EPB42: variants seen among roughly 807,000 people sequenced by gnomAD.
The protein encoded by EPB42 is erythrocyte membrane protein band 4.2, also known as protein 4.2.
EPB42 carries 49 observed loss-of-function variants against 76.9 expected under a neutral mutation model. The ratio of observed to expected loss-of-function variants is 0.64; its 90% CI spans 0.51 to 0.81. The LOEUF is 0.81. EPB42 is among the 30% of genes least tolerant of loss of function. The pLI is 0.00. For missense variants in EPB42, 731 were observed against 867.6 expected, an observed-to-expected ratio of 0.84 and a Z score of 1.98; for synonymous variants, 310 against 338.4, an observed-to-expected ratio of 0.92 and a Z score of 0.92.
chr15:43,223,772 G>C (rs1161625485), upstream of EPB42, among the ~76,000 whole-genome samples: 1 of 152,120 alleles, frequency 6.6e-6, no homozygotes, highest in Non-Finnish European at 1.5e-5. Context: ...TCAGGAGTTC[G>C]AAACCAGCCA....
At chr15:43,219,064 G>A (rs1293871107) in intron 1 of EPB42, among the ~76,000 whole-genome samples, 1 of 152,196 alleles carries the variant, frequency 6.6e-6, no homozygotes, top group Non-Finnish European at 1.5e-5. Context: ...ACTGGCTGGG[G>A]GGAGGGGGCG....
intron 1 of EPB42, among the ~76,000 whole-genome samples, chr15:43,218,673 C>T (rs376825257): frequency 5.1e-4 from 78 of 152,350 alleles, no homozygotes; most frequent in South Asian, 1.9e-3. Flanking sequence ...AACATTGAGA[C>T]GGCCTTAAAG....
chr15:43,208,893 G>GC, intron 6 of EPB42, 118 bp from the exon 7 acceptor site: 1 of 1,236,472 alleles, frequency 8.1e-7, no homozygotes, highest in Non-Finnish European at 1.1e-6. Context: ...GAAGAGGAGT[G>GC]CAGGAACCTA....
chr15:43,206,319 T>C lies in EPB42; in HGVS notation c.1618+11A>G, dbSNP rs200289243. 5.1e-5 allele frequency: 82 copies of C among 1,601,512 alleles called. 1 individual carries two copies. The highest frequency in any genetic ancestry group is 6.7e-5 in the Admixed American group (4 of 59,730). ...TGTCGGGGGGTGTCTGGTGGGGCCA[T>C]AGAGCATTACCCAGGTTGGCACTGA... On this transcript the variant is annotated intron_variant, in intron 10 of 12. Transcript: ENST00000441366. The surrounding 1 kb of genome is among the most constrained non-coding windows in gnomAD (Gnocchi z 4.7).
chr15:43,218,310 T>C (rs1317236350), intron 1 of EPB42, among the ~76,000 whole-genome samples: 2 of 152,154 alleles, frequency 1.3e-5, no homozygotes, highest in Non-Finnish European at 2.9e-5. Context: ...ATGACCATAG[T>C]GTTACGGCAA....
Position 43,207,194 on chromosome 15 carries a change from C to T in EPB42, c.1318+5G>A, listed in dbSNP as rs369187593. The T allele has an allele frequency of 2.9e-5, 47 of 1,613,988 alleles. No homozygotes were observed. The highest frequency in any genetic ancestry group is 3.6e-5 in the Non-Finnish European group (43 of 1,180,038). On this transcript the variant is annotated splice_donor_5th_base_variant and intron_variant, in intron 9 of 12. Transcript: ENST00000441366. ...AGAAGCCTGGGGCCCTTCCCTGGCC[C>T]GTACCTTCAGGATACTTGTAGTTCT...
intron 1 of EPB42, among the ~76,000 whole-genome samples, chr15:43,217,062 C>T (rs2042389187): frequency 6.6e-6 from 1 of 152,190 alleles, no homozygotes. Context: ...TTACAACAGT[C>T]TGTTAATCAA....
chr15:43,214,956 G>C, intron 3 of EPB42, 139 bp downstream of exon 3: 1 of 781,636 alleles, frequency 1.3e-6, no homozygotes. Flanking sequence ...AGAAAGCCCT[G>C]GCACAGACTG....
Position 43,197,483 on chromosome 15 carries a change from C to A in EPB42, c.1914-19G>T, listed in dbSNP as rs751953671. On this transcript the variant is annotated intron_variant, in intron 12 of 12. Coordinates refer to ENST00000441366, the MANE Select transcript of EPB42 (RefSeq NM_001114134.2). ...ACGGAATCTGAAATAAAGGAAAAGGCAGGTGCTAGTTCTGTCCCAGGTTCA... is the reference window on the plus strand; with the variant it reads ...ACGGAATCTGAAATAAAGGAAAAGGAAGGTGCTAGTTCTGTCCCAGGTTCA... The A allele has an allele frequency of 5.7e-5, 92 of 1,613,502 alleles. 1 individual carries two copies. Among genetic ancestry groups the A allele is most frequent in the Admixed American group, 2.3e-4 (14 of 60,014 alleles).
At chr15:43,221,821 TAAAAAAA>T (rs56939497), upstream of EPB42, among the ~76,000 whole-genome samples, 1,105 of 107,452 alleles carry the variant, frequency 0.01, 12 homozygotes, top group Non-Finnish European at 0.015. Context: ...TCTTATTATG[TAAAAAAA>T]AAAAAAAAAA....
chr15:43,211,964 A>C (rs1188149235), intron 3 of EPB42, among the ~76,000 whole-genome samples: 1 of 152,116 alleles, frequency 6.6e-6, no homozygotes, highest in Non-Finnish European at 1.5e-5. Context: ...GCTATTCAGG[A>C]GGCTGAAGCG....
chr15:43,212,462 G>T (rs2042316043), intron 3 of EPB42, among the ~76,000 whole-genome samples: 1 of 152,112 alleles, frequency 6.6e-6, no homozygotes, highest in Admixed American at 6.5e-5. Flanking sequence ...TTGGCAACAG[G>T]CCAGGGAGCT....
intron 12 of EPB42, among the ~76,000 whole-genome samples, chr15:43,199,744 C>T (rs1263449496): frequency 6.6e-6 from 1 of 152,122 alleles, no homozygotes; most frequent in African/African-American, 2.4e-5. Flanking sequence ...TCTCCCATTC[C>T]TCATGGGAGG....
rs773610644 is a variant in EPB42 at position 43,197,401 on chromosome 15, C to A, written c.1977G>T (p.Val659=). 4 of 1,614,112 alleles carry A rather than the reference C, an allele frequency of 2.5e-6. No individual in the cohort carries two copies. Among genetic ancestry groups the A allele is most frequent in the Non-Finnish European group, 3.4e-6 (4 of 1,180,028 alleles). Reference sequence around the variant, plus strand: ...CTTCCACAGTGAGTCTCTGGAGCCCCACATGTGTTGGCGTGAACTGGAACT... The same window carrying A: ...CTTCCACAGTGAGTCTCTGGAGCCCAACATGTGTTGGCGTGAACTGGAACT... The part of the protein sequence containing the change: ...CAKFQFTPTH[V]GLQRLTVEVD... The change falls in exon 13 of 13, where the codon GTG becomes GTT. Residue 659 remains valine, a synonymous_variant. Coordinates refer to ENST00000441366, the MANE Select transcript of EPB42 (RefSeq NM_001114134.2).
intron 12 of EPB42, among the ~76,000 whole-genome samples, chr15:43,201,528 A>AT (rs2042125397): frequency 6.6e-6 from 1 of 152,182 alleles, no homozygotes; most frequent in Non-Finnish European, 1.5e-5. Context: ...TCCTCCCTTC[A>AT]TTACTCTCCA....
chr15:43,199,731 C>CT (rs2042099260), intron 12 of EPB42, among the ~76,000 whole-genome samples: 1 of 152,140 alleles, frequency 6.6e-6, no homozygotes, highest in African/African-American at 2.4e-5. Flanking sequence ...AACTTGAGTT[C>CT]TATCTCCCAT....
Position 43,207,586 on chromosome 15 carries a change from G to C in EPB42, c.1076-145C>G. Reference sequence around the variant, plus strand: ...GAGGTGAGCACTAGGCAGGGTTTCTGAGAGAGTCACAGAGGTGAAACTATT... The same window carrying C: ...GAGGTGAGCACTAGGCAGGGTTTCTCAGAGAGTCACAGAGGTGAAACTATT... On this transcript the variant is annotated intron_variant, in intron 8 of 12. Coordinates refer to ENST00000441366, the MANE Select transcript of EPB42 (RefSeq NM_001114134.2). The C allele has an allele frequency of 2.2e-6, 3 of 1,357,394 alleles. No individual in the cohort carries two copies. In the South Asian group the frequency reaches 3.8e-5, roughly 17 times the overall value. The allele number at this position is 1,357,394 out of a possible 1,614,324, so 84.1% of individuals were successfully genotyped here.
At chr15:43,221,457 A>G (rs1452836403), upstream of EPB42, among the ~76,000 whole-genome samples, 1 of 151,936 alleles carries the variant, frequency 6.6e-6, no homozygotes, top group East Asian at 1.9e-4. Context: ...TGGGGCCCCA[A>G]CTCTTCCAAG....
rs1355659497 is a variant in EPB42, at chr15:43,203,098, G to A, written c.1779+17C>T. ...TGGTGGCAGACGAGGGCAACTCAGG[G>A]GAGGACTGGTGCCTACCTTGATGGC... is the stretch of plus-strand genomic sequence containing the variant. On this transcript the variant is annotated intron_variant, in intron 11 of 12. Transcript: ENST00000441366. The A allele has an allele frequency of 1.2e-6, 2 of 1,613,958 alleles. No homozygotes were observed. Among genetic ancestry groups the A allele is most frequent in the Non-Finnish European group, 1.7e-6 (2 of 1,179,974 alleles).
Sources: allele counts gnomAD v4.1 joint callset (sites outside exome capture counted in the v4.1 genomes callset), GRCh38; gene constraint gnomAD v4.1.1; non-coding constraint Gnocchi (gnomAD v3.1); transcripts MANE v1.5; gene names NCBI Gene and HGNC (gene_info 2026-07-23, HGNC 2026-07-21).